The following PEX5L variants were observed in gnomAD, a reference collection of about 807,000 sequenced individuals.
PEX5L encodes PEX5-related protein.
A neutral mutation model predicts 84.0 loss-of-function variants in PEX5L; 30 were observed. The ratio of observed to expected loss-of-function variants is 0.36; its 90% confidence interval spans 0.27 to 0.48. The LOEUF is 0.48. PEX5L is among the 20% of genes least tolerant of loss of function. PEX5L has a pLI of 0.99. For synonymous variants in PEX5L, 270 were observed against 283.1 expected, an observed-to-expected ratio of 0.95 and a Z score of 0.46; for missense variants, 533 against 754.6, an observed-to-expected ratio of 0.71 and a Z score of 3.44.
At chr3:179,961,152 C>T (rs185278149) in intron 2 of PEX5L, among the ~76,000 whole-genome samples, 28 of 150,972 alleles carry the variant, frequency 1.9e-4, no homozygotes, top group African/African-American at 6.3e-4. Flanking sequence ...CCAAAAAATA[C>T]GATGAGGAAT....
intron 2 of PEX5L, among the ~76,000 whole-genome samples, chr3:179,950,286 A>G (rs1375370668): frequency 6.7e-6 from 1 of 150,156 alleles, no homozygotes; most frequent in Admixed American, 6.7e-5. Flanking sequence ...GCATGTTCTC[A>G]CTCATAGGTG....
At chr3:180,012,351 T>C (rs1789561748) in intron 1 of PEX5L, among the ~76,000 whole-genome samples, 1 of 152,278 alleles carries the variant, frequency 6.6e-6, no homozygotes, top group Non-Finnish European at 1.5e-5. Flanking sequence ...TAAAACAATA[T>C]TGATTTAAGC....
intron 2 of PEX5L, chr3:179,921,555 TG>T (rs937298939): frequency 1.3e-5 from 2 of 152,208 alleles, no homozygotes; most frequent in Admixed American, 6.5e-5. Context: ...TCCAGTACTT[TG>T]CAACCTACCA....
intron 8 of PEX5L, among the ~76,000 whole-genome samples, chr3:179,845,237 T>G (rs1166439457): frequency 6.6e-6 from 1 of 152,216 alleles, no homozygotes; most frequent in Non-Finnish European, 1.5e-5. Context: ...TATTTATTCA[T>G]TTTTTACTCT....
chr3:179,967,219 G>A lies in PEX5L; in HGVS notation c.93+4375C>T, dbSNP rs529537471. Among the ~76,000 whole-genome samples, 4 of 152,244 alleles carry A rather than the reference G, an allele frequency of 2.6e-5. No individual in the cohort carries two copies. The South Asian group carries it at 8.3e-4, about 32-fold the overall frequency. ...TGAGCAATGGTACAGAGCTATGTGAGGTGACAGAAAGAGCATGGGACTGGA... is the reference window on the plus strand; with the variant it reads ...TGAGCAATGGTACAGAGCTATGTGAAGTGACAGAAAGAGCATGGGACTGGA... On this transcript the variant is annotated intron_variant, in intron 2 of 14. Transcript: ENST00000467460.
intron 5 of PEX5L, among the ~76,000 whole-genome samples, chr3:179,877,516 T>C (rs548182919): frequency 6.6e-6 from 1 of 152,314 alleles, no homozygotes; most frequent in South Asian, 2.1e-4. Context: ...TGAAGTGCTA[T>C]GGTGCAGTCA....
At chr3:179,981,699 G>GA (rs887572675) in intron 1 of PEX5L, among the ~76,000 whole-genome samples, 25 of 151,806 alleles carry the variant, frequency 1.6e-4, no homozygotes, top group Non-Finnish European at 3.2e-4. Flanking sequence ...GAGAAAGAGA[G>GA]AAAAAAACTT....
In PEX5L at chr3:179,989,664, C is replaced by G. The variant is rs543926673; in HGVS notation, c.22-17999G>C. On this transcript the variant is annotated intron_variant, in intron 1 of 14. Coordinates refer to ENST00000467460, the MANE Select transcript of PEX5L (RefSeq NM_016559.3). ...TAAAGCAATTTTTATTTCCCATAAACTTGGCCTTATGCACTTAGATTATGA... is the reference window on the plus strand; with the variant it reads ...TAAAGCAATTTTTATTTCCCATAAAGTTGGCCTTATGCACTTAGATTATGA... Among the ~76,000 whole-genome samples, 6 of 152,122 alleles carry G rather than the reference C, an allele frequency of 3.9e-5. No homozygotes were observed. The South Asian group carries it at 1.0e-3, about 26-fold the overall frequency.
At chr3:179,814,853 C>T (rs1725425220) in intron 10 of PEX5L, among the ~76,000 whole-genome samples, 1 of 152,054 alleles carries the variant, frequency 6.6e-6, no homozygotes, top group African/African-American at 2.4e-5. Context: ...TCTCTTCTTG[C>T]CTTCCCTCTA....
At chr3:180,003,143 G>A (rs1788576882) in intron 1 of PEX5L, among the ~76,000 whole-genome samples, 1 of 152,090 alleles carries the variant, frequency 6.6e-6, no homozygotes, top group Non-Finnish European at 1.5e-5. Context: ...ATACCCTATT[G>A]AGACTTTTCT....
intron 2 of PEX5L, among the ~76,000 whole-genome samples, chr3:179,970,684 T>G (rs976894225): frequency 5.3e-5 from 8 of 152,138 alleles, no homozygotes; most frequent in Non-Finnish European, 1.0e-4. Context: ...CAGAAATATG[T>G]ACAACAGCTC....
chr3:179,885,005 G>T (rs891084006), intron 4 of PEX5L, among the ~76,000 whole-genome samples: 1 of 71,264 alleles, frequency 1.4e-5, no homozygotes, highest in Non-Finnish European at 2.8e-5. Context: ...ATAAAAACTA[G>T]ATTTCTTACG....
chr3:179,941,884 G>A (rs1024909697), intron 2 of PEX5L, among the ~76,000 whole-genome samples: 8 of 151,812 alleles, frequency 5.3e-5, no homozygotes, highest in African/African-American at 1.7e-4. Flanking sequence ...AGCTAGGCGT[G>A]GTGGTGGGCG....
intron 1 of PEX5L, among the ~76,000 whole-genome samples, chr3:179,977,876 C>G (rs1281918574): frequency 1.3e-5 from 2 of 152,098 alleles, no homozygotes; most frequent in East Asian, 3.9e-4. Flanking sequence ...GCTTTTCCCC[C>G]CTCTCTAACT....
chr3:179,800,258 T>TC lies in PEX5L; in HGVS notation c.*1569_*1570insG, dbSNP rs1718465888. On this transcript the variant is annotated 3_prime_UTR_variant, in exon 15 of 15. Coordinates refer to ENST00000467460, the MANE Select transcript of PEX5L (RefSeq NM_016559.3). ...TTTGATCCCAATTCTGTGGAGTCTT[T>TC]TTTGTTGTTGTTGTTTTATTTTTTG... 6.6e-6 allele frequency: 1 copy of TC among 152,216 alleles called. No individual in the cohort carries two copies. The highest frequency in any genetic ancestry group is 1.5e-5 in the Non-Finnish European group (1 of 68,048). The allele number at this position is 152,216 out of a possible 1,614,324, so 9.4% of individuals were successfully genotyped here.
chr3:180,013,202 C>G (rs1299877816), intron 1 of PEX5L, among the ~76,000 whole-genome samples: 1 of 152,164 alleles, frequency 6.6e-6, no homozygotes, highest in South Asian at 2.1e-4. Context: ...ATAATATGCC[C>G]TAGCAATGTA....
At chr3:179,875,857 A>G (rs1752215866) in intron 5 of PEX5L, among the ~76,000 whole-genome samples, 2 of 152,152 alleles carry the variant, frequency 1.3e-5, no homozygotes, top group African/African-American at 4.8e-5. Flanking sequence ...GCACTACTCT[A>G]TCAGTCTCTG....
chr3:179,956,665 C>T (rs1780635299), intron 2 of PEX5L, among the ~76,000 whole-genome samples: 2 of 152,116 alleles, frequency 1.3e-5, no homozygotes, highest in African/African-American at 4.8e-5. Flanking sequence ...TATGCAAATC[C>T]GTGTTTGTGG....
In PEX5L at chr3:180,036,768, C is replaced by T. The variant is rs576013547; in HGVS notation, c.-169G>A. 1.4e-6 allele frequency: 1 copy of T among 700,254 alleles called. No individual in the cohort carries two copies. Among genetic ancestry groups the T allele is most frequent in the Non-Finnish European group, 2.6e-6 (1 of 385,652 alleles). The allele number at this position is 700,254 out of a possible 1,614,324, so 43.4% of individuals were successfully genotyped here. A position where few individuals can be genotyped will look rare whatever the true frequency, so the allele number is the denominator to read the frequency against. ...GCCGGCCGGCGGCCACTCGGCAGCG[C>T]TGCGGGCTGCCGGGAACTGTTCTCC... On this transcript the variant is annotated 5_prime_UTR_variant, in exon 1 of 15. Coordinates refer to ENST00000467460, the MANE Select transcript of PEX5L (RefSeq NM_016559.3).
Sources: gnomAD v4.1 joint callset for allele counts (sites outside exome capture counted in the v4.1 genomes callset) on GRCh38, gnomAD v4.1.1 for gene constraint, MANE v1.5 for transcripts, NCBI Gene and HGNC (gene_info 2026-07-23, HGNC 2026-07-21) for gene names.